GABRB2: variants seen among roughly 807,000 people sequenced by gnomAD.
GABRB2 encodes the protein gamma-aminobutyric acid receptor subunit beta-2.
In GABRB2, 16 loss-of-function variants were observed where a neutral mutation model predicts 54.7. The observed-to-expected ratio is 0.29, with a 90% confidence interval of 0.20 to 0.44. The LOEUF (loss-of-function observed/expected upper bound fraction) is 0.44, where lower values mean the gene tolerates loss of function less well. GABRB2 is among the 20% of genes least tolerant of loss of function. The probability of loss-of-function intolerance (pLI) is 1.00; values close to 1 mark genes in which losing one functional copy is unlikely to be tolerated. For synonymous variants in GABRB2, 244 were observed against 233.8 expected, an observed-to-expected ratio of 1.04 and a Z score of -0.40; for missense variants, 355 against 644.0, an observed-to-expected ratio of 0.55 and a Z score of 4.86.
At chr5:161,546,847 TA>T, upstream of GABRB2, 1 of 1,111,888 alleles carries the variant, frequency 9.0e-7, no homozygotes, top group Non-Finnish European at 1.2e-6. Context: ...AAAACATGTA[TA>T]TGTATAATAC....
At chr5:161,467,517 C>G (rs1219372427) in intron 3 of GABRB2, among the ~76,000 whole-genome samples, 4 of 152,072 alleles carry the variant, frequency 2.6e-5, no homozygotes, top group Non-Finnish European at 5.9e-5. Flanking sequence ...GTGAATAAAA[C>G]TCCACAATTG....
intron 3 of GABRB2, among the ~76,000 whole-genome samples, chr5:161,480,184 G>A (rs1273560154): frequency 6.6e-6 from 1 of 151,956 alleles, no homozygotes; most frequent in Non-Finnish European, 1.5e-5. Flanking sequence ...GGAAATGGAT[G>A]AGTTCCTGAG....
At position 161,292,471 on chromosome 5, in the gene GABRB2, C is replaced by A. The variant is rs1757265046; in HGVS notation, c.*1610G>T. 3 of 152,260 alleles carry A rather than the reference C, an allele frequency of 2.0e-5. No individual in the cohort carries two copies. The highest frequency in any genetic ancestry group is 3.4e-3 in the Middle Eastern group (1 of 292). 9.4% of individuals were successfully genotyped at this position (152,260 alleles called of 1,614,324 possible). The stretch of plus-strand genomic sequence containing the variant: ...TAGAAGGAAGACATATTAGCTTATT[C>A]TCCTCTTGTCCAACATATGAATGCT... On this transcript the variant is annotated 3_prime_UTR_variant, in exon 10 of 10. Coordinates refer to ENST00000393959, the MANE Select transcript of GABRB2 (RefSeq NM_001371727.1).
intron 4 of GABRB2, among the ~76,000 whole-genome samples, chr5:161,433,811 C>T (rs1206672490): frequency 1.3e-5 from 2 of 151,954 alleles, no homozygotes; most frequent in Non-Finnish European, 2.9e-5. Flanking sequence ...CAGGATGATT[C>T]TCTGTTAATA....
At chr5:161,357,247 A>C (rs995740307) in intron 5 of GABRB2, among the ~76,000 whole-genome samples, 1 of 152,132 alleles carries the variant, frequency 6.6e-6, no homozygotes, top group Admixed American at 6.6e-5. Flanking sequence ...CAAAGACTTA[A>C]AATGGATGAA....
intron 9 of GABRB2, among the ~76,000 whole-genome samples, chr5:161,296,728 G>A (rs1347714310): frequency 2.0e-5 from 3 of 152,162 alleles, no homozygotes; most frequent in South Asian, 4.1e-4. Flanking sequence ...CAGGTACAGC[G>A]GTGAGAAAGA....
intron 3 of GABRB2, among the ~76,000 whole-genome samples, chr5:161,536,188 T>C (rs890784480): frequency 6.6e-6 from 1 of 152,210 alleles, no homozygotes; most frequent in Non-Finnish European, 1.5e-5. Context: ...GTAGCTATAA[T>C]TATTTCCTTA....
chr5:161,422,755 A>T (rs1244735942), intron 4 of GABRB2, among the ~76,000 whole-genome samples: 1 of 152,152 alleles, frequency 6.6e-6, no homozygotes, highest in Non-Finnish European at 1.5e-5. Context: ...TCTACATGAG[A>T]TATGGAATAT....
At chr5:161,544,479 AC>A (rs1301765456) in intron 3 of GABRB2, among the ~76,000 whole-genome samples, 1 of 151,908 alleles carries the variant, frequency 6.6e-6, no homozygotes, top group African/African-American at 2.4e-5. Context: ...ATTGAAGCAA[AC>A]CCCCCAACAC....
intron 3 of GABRB2, among the ~76,000 whole-genome samples, chr5:161,497,411 G>A (rs1355503722): frequency 6.6e-6 from 1 of 152,062 alleles, no homozygotes; most frequent in African/African-American, 2.4e-5. Flanking sequence ...TTGCTAAAGT[G>A]TTCTATCTCA....
intron 9 of GABRB2, among the ~76,000 whole-genome samples, chr5:161,299,868 T>G (rs1163547866): frequency 6.6e-6 from 1 of 152,188 alleles, no homozygotes; most frequent in Non-Finnish European, 1.5e-5. Context: ...GCATTTAATT[T>G]ATAACAAAAA....
chr5:161,430,748 C>T lies in GABRB2; in HGVS notation c.459-19691G>A, dbSNP rs1300264990. On this transcript the variant is annotated intron_variant, in intron 4 of 9. Coordinates refer to ENST00000393959, the MANE Select transcript of GABRB2 (RefSeq NM_001371727.1). Reference sequence around the variant, plus strand: ...TCTGATGTGAGTACTTATGTTCAAGCGCCCTGGGAAGTGTAATTTAAAGCT... The same window carrying T: ...TCTGATGTGAGTACTTATGTTCAAGTGCCCTGGGAAGTGTAATTTAAAGCT... Among the ~76,000 whole-genome samples the T allele has an allele frequency of 2.0e-5, 3 of 152,036 alleles. No homozygotes were observed. In the South Asian group the frequency reaches 6.2e-4, roughly 32 times the overall value.
chr5:161,477,153 T>C (rs1180603889), intron 3 of GABRB2, among the ~76,000 whole-genome samples: 2 of 151,548 alleles, frequency 1.3e-5, no homozygotes, highest in African/African-American at 2.4e-5. Context: ...AGATAATATA[T>C]AAATGACCAA....
At chr5:161,430,691 G>T (rs1012711615) in intron 4 of GABRB2, among the ~76,000 whole-genome samples, 4 of 152,128 alleles carry the variant, frequency 2.6e-5, no homozygotes, top group African/African-American at 4.8e-5. Context: ...GAAAGAAAGA[G>T]AAATATTGAA....
Position 161,323,854 on chromosome 5 carries a change from A to G in GABRB2, c.1191+2514T>C, listed in dbSNP as rs190014303. 1.4e-3 allele frequency among the ~76,000 whole-genome samples: 215 copies of G among 152,312 alleles called. 1 individual carries two copies. The highest frequency in any genetic ancestry group is 2.1e-3 in the Non-Finnish European group (146 of 68,010). On this transcript the variant is annotated intron_variant, in intron 9 of 9. Coordinates refer to ENST00000393959, the MANE Select transcript of GABRB2 (RefSeq NM_001371727.1). ...ACTCTCAGATGGCTATTAGGTATGT[A>G]AACTATCATAGAACCTTTCTAGTGA...
upstream of GABRB2, among the ~76,000 whole-genome samples, chr5:161,547,357 G>A (rs1202821719): frequency 6.6e-6 from 1 of 151,252 alleles, no homozygotes; most frequent in Non-Finnish European, 1.5e-5. Context: ...AGAAAGGCAC[G>A]GAAAAATAAA....
intron 4 of GABRB2, among the ~76,000 whole-genome samples, chr5:161,413,704 C>T (rs1446482956): frequency 6.6e-6 from 1 of 151,882 alleles, no homozygotes; most frequent in Admixed American, 6.6e-5. Context: ...TGTAAAATGG[C>T]AGAAATAATC....
intron 5 of GABRB2, among the ~76,000 whole-genome samples, chr5:161,352,595 C>T (rs968915564): frequency 6.6e-5 from 10 of 152,012 alleles, no homozygotes; most frequent in Admixed American, 1.3e-4. Context: ...TACAAAATTT[C>T]AGTTAGATAG....
intron 3 of GABRB2, among the ~76,000 whole-genome samples, chr5:161,479,287 T>C (rs1012103294): frequency 1.3e-5 from 2 of 152,078 alleles, no homozygotes; most frequent in Admixed American, 1.3e-4. Context: ...GCCAGGATTG[T>C]CAGGGTTGAA....
Sources: allele counts gnomAD v4.1 joint callset (sites outside exome capture counted in the v4.1 genomes callset), GRCh38; gene constraint gnomAD v4.1.1; transcripts MANE v1.5; gene names NCBI Gene and HGNC (gene_info 2026-07-23, HGNC 2026-07-21).